SSH2: variants seen among roughly 807,000 people sequenced by gnomAD.
The protein encoded by SSH2 is slingshot protein phosphatase 2.
Under a neutral mutation model 135.2 loss-of-function variants are expected in SSH2, and 37 were observed. That is an observed-to-expected ratio of 0.27 (90% CI 0.21 to 0.36). The LOEUF (loss-of-function observed/expected upper bound fraction) is 0.36, where lower values mean the gene tolerates loss of function less well. SSH2 is among the 10% of genes least tolerant of loss of function. SSH2 has a pLI of 1.00. For missense variants in SSH2, 1,408 were observed against 1,765.3 expected (o/e 0.80, Z 3.63); for synonymous variants, 628 against 646.2 (o/e 0.97, Z 0.43).
intron 2 of SSH2, among the ~76,000 whole-genome samples, chr17:29,832,792 G>A (rs762934048): frequency 4.6e-5 from 7 of 151,992 alleles, no homozygotes; most frequent in Non-Finnish European, 1.0e-4. Context: ...TCAGCCTCCC[G>A]AGCAGCTGGG....
At chr17:29,753,523 G>A (rs1478985116) in intron 3 of SSH2, among the ~76,000 whole-genome samples, 2 of 151,880 alleles carry the variant, frequency 1.3e-5, no homozygotes, top group Non-Finnish European at 2.9e-5. Flanking sequence ...GTGGCCAGGT[G>A]CGGTGCCTCA....
intron 3 of SSH2, among the ~76,000 whole-genome samples, chr17:29,707,797 A>C (rs932092766): frequency 2.0e-5 from 3 of 152,130 alleles, no homozygotes; most frequent in Admixed American, 6.5e-5. Flanking sequence ...AAGTGCTGGG[A>C]TTACAGGTGT....
At chr17:29,780,942 G>T (rs2041827111) in intron 3 of SSH2, among the ~76,000 whole-genome samples, 2 of 151,802 alleles carry the variant, frequency 1.3e-5, no homozygotes, top group South Asian at 4.2e-4. Context: ...CTCCCGAGTA[G>T]CTAGGACTAC....
rs146529039 is a variant in SSH2 at position 29,740,766 on chromosome 17, C to T, written c.189-37704G>A. ...CTAAAATTTAAGTATGATAGTAACA[C>T]AGTAATATGGAAAATCTCAATATAC... On this transcript the variant is annotated intron_variant, in intron 3 of 15. Coordinates refer to ENST00000540801, the MANE Select transcript of SSH2 (RefSeq NM_001282129.2). 2.0e-4 allele frequency among the ~76,000 whole-genome samples: 31 copies of T among 152,294 alleles called. No homozygotes were observed. In the East Asian group the frequency reaches 5.2e-3, roughly 26 times the overall value.
Position 29,885,676 on chromosome 17 carries a change from G to A in SSH2, c.64-36747C>T, listed in dbSNP as rs569884801. Among the ~76,000 whole-genome samples the A allele has an allele frequency of 2.0e-3, 300 of 152,228 alleles. 1 individual carries two copies. Among genetic ancestry groups the A allele is most frequent in the African/African-American group, 7.0e-3 (290 of 41,536 alleles). On this transcript the variant is annotated intron_variant, in intron 1 of 15. Coordinates refer to ENST00000540801, the MANE Select transcript of SSH2 (RefSeq NM_001282129.2). ...ACCCACCTAAATCTCATCTTGAATTGTAGCTCCCATAATTCCCACATGTGA... is the reference window on the plus strand; with the variant it reads ...ACCCACCTAAATCTCATCTTGAATTATAGCTCCCATAATTCCCACATGTGA...
At chr17:29,855,363 G>A (rs2065643878) in intron 1 of SSH2, among the ~76,000 whole-genome samples, 1 of 152,048 alleles carries the variant, frequency 6.6e-6, no homozygotes, top group Admixed American at 6.6e-5. Context: ...AAATTAGCTG[G>A]GCGTGGTAGC....
At chr17:29,887,774 G>C (rs1351472422) in intron 1 of SSH2, among the ~76,000 whole-genome samples, 1 of 152,158 alleles carries the variant, frequency 6.6e-6, no homozygotes, top group Non-Finnish European at 1.5e-5. Context: ...GTTCAGGTTA[G>C]GGAATGCTAT....
chr17:29,684,757 A>G (rs1476088020), intron 5 of SSH2, 73 bp from the exon 6 acceptor site: 5 of 1,455,354 alleles, frequency 3.4e-6, no homozygotes, highest in South Asian at 1.2e-5. Context: ...ACCCTTTTTC[A>G]TCAGCATCTT....
intron 11 of SSH2, among the ~76,000 whole-genome samples, chr17:29,661,330 T>C (rs1056394118): frequency 1.3e-5 from 2 of 152,124 alleles, no homozygotes; most frequent in Admixed American, 1.3e-4. Context: ...ATAAAGAGGA[T>C]AGACAAACGT....
intron 3 of SSH2, among the ~76,000 whole-genome samples, chr17:29,738,838 G>A (rs763945031): frequency 6.6e-6 from 1 of 152,148 alleles, no homozygotes; most frequent in Non-Finnish European, 1.5e-5. Context: ...ACAGGCGTGA[G>A]CCACCACGCC....
intron 3 of SSH2, among the ~76,000 whole-genome samples, chr17:29,733,816 T>C (rs1014100880): frequency 6.6e-6 from 1 of 152,156 alleles, no homozygotes; most frequent in African/African-American, 2.4e-5. Flanking sequence ...TATCTAAATA[T>C]TCTCATTTAA....
At chr17:29,833,383 C>T (rs2151366736) in intron 2 of SSH2, among the ~76,000 whole-genome samples, 1 of 152,166 alleles carries the variant, frequency 6.6e-6, no homozygotes, top group South Asian at 2.1e-4. Flanking sequence ...TCTATTTTAT[C>T]TGATATAAGT....
At chr17:29,741,596 G>A (rs887283187) in intron 3 of SSH2, among the ~76,000 whole-genome samples, 13 of 150,268 alleles carry the variant, frequency 8.7e-5, no homozygotes, top group Non-Finnish European at 1.9e-4. Flanking sequence ...CAATAGACAC[G>A]AAACAATCCC....
rs759730821 is a variant in SSH2 at position 29,695,439 on chromosome 17, T to C, written c.357+20A>G. On this transcript the variant is annotated intron_variant, in intron 5 of 15. Coordinates refer to ENST00000540801, the MANE Select transcript of SSH2 (RefSeq NM_001282129.2). ...GATAGTCTTTTGAGGAAGAAAATTA[T>C]GATGACACCACTAACTTACCAGCCT... The C allele has an allele frequency of 5.0e-6, 8 of 1,601,918 alleles. No homozygotes were observed. The highest frequency in any genetic ancestry group is 1.1e-5 in the South Asian group (1 of 89,086).
intron 3 of SSH2, among the ~76,000 whole-genome samples, chr17:29,711,922 G>C (rs1241010525): frequency 6.6e-6 from 1 of 152,192 alleles, no homozygotes; most frequent in East Asian, 1.9e-4. Flanking sequence ...GTCAATTTAG[G>C]AAGTTTATTT....
Position 29,869,818 on chromosome 17 carries a change from G to C in SSH2, c.64-20889C>G, listed in dbSNP as rs1424503603. Among the ~76,000 whole-genome samples the C allele has an allele frequency of 2.6e-5, 4 of 152,178 alleles. No homozygotes were observed. The South Asian group carries it at 8.3e-4, about 31-fold the overall frequency. On this transcript the variant is annotated intron_variant, in intron 1 of 15. Transcript: ENST00000540801. Reference sequence around the variant, plus strand: ...TCGCCTGCAGAAATCAGTCTGTGTTGATCTCTGCACAGAGTGCAGGCCCAG... The same window carrying C: ...TCGCCTGCAGAAATCAGTCTGTGTTCATCTCTGCACAGAGTGCAGGCCCAG...
chr17:29,757,383 C>A (rs971242106), intron 3 of SSH2, among the ~76,000 whole-genome samples: 3 of 152,002 alleles, frequency 2.0e-5, no homozygotes, highest in African/African-American at 7.3e-5. Flanking sequence ...CTCTAGGTGA[C>A]CATGGACCTC....
chr17:29,881,486 TTCTC>T (rs981512654), intron 1 of SSH2, among the ~76,000 whole-genome samples: 7 of 151,954 alleles, frequency 4.6e-5, no homozygotes, highest in South Asian at 2.1e-4. Flanking sequence ...TTCCTTTCTT[TTCTC>T]TCTCTCTTTC....
chr17:29,843,559 G>GGA (rs2043080383), intron 2 of SSH2, among the ~76,000 whole-genome samples: 1 of 122,904 alleles, frequency 8.1e-6, no homozygotes, highest in African/African-American at 3.0e-5. Context: ...TCAGTCTCAA[G>GGA]AAAAAAAAAA....
Sources: gnomAD v4.1 joint callset for allele counts (sites outside exome capture counted in the v4.1 genomes callset) on GRCh38, gnomAD v4.1.1 for gene constraint, MANE v1.5 for transcripts, NCBI Gene and HGNC (gene_info 2026-07-23, HGNC 2026-07-21) for gene names.